The following AXDND1 variants were observed in gnomAD, a reference collection of about 807,000 sequenced individuals.
AXDND1 encodes axonemal dynein light chain domain-containing protein 1.
Under a neutral mutation model 137.5 loss-of-function variants are expected in AXDND1, and 110 were observed. The ratio of observed to expected loss-of-function variants is 0.80; its 90% CI spans 0.69 to 0.94. The LOEUF (loss-of-function observed/expected upper bound fraction) is 0.94, where lower values mean the gene tolerates loss of function less well. Among genes scored for constraint, AXDND1 ranks in the 40% least tolerant of loss-of-function variants. The pLI is 0.00. For synonymous variants in AXDND1, 414 were observed against 399.7 expected (o/e 1.04, Z -0.43); for missense variants, 1,191 against 1,169.8 (o/e 1.02, Z -0.26).
chr1:179,370,855 G>A (rs1046553912), intron 4 of AXDND1, among the ~76,000 whole-genome samples: 5 of 152,060 alleles, frequency 3.3e-5, no homozygotes, highest in African/African-American at 7.2e-5. Flanking sequence ...TGCCTCCCAG[G>A]GATATTGTAA....
intron 25 of AXDND1, chr1:179,551,165 C>A: frequency 6.2e-7 from 1 of 1,613,808 alleles, no homozygotes; most frequent in Non-Finnish European, 8.5e-7. Context: ...CATTATGCCC[C>A]ATCCTTCCTA....
intron 12 of AXDND1, among the ~76,000 whole-genome samples, chr1:179,411,584 CT>C (rs748623614): frequency 3.4e-4 from 51 of 152,052 alleles, no homozygotes; most frequent in Middle Eastern, 3.4e-3. Context: ...TATAATGTAA[CT>C]TTTGTGGGCT....
chr1:179,464,003 A>G (rs1662757925), intron 16 of AXDND1, among the ~76,000 whole-genome samples: 1 of 151,994 alleles, frequency 6.6e-6, no homozygotes, highest in Non-Finnish European at 1.5e-5. Context: ...TTTTGAGCCT[A>G]TGTGTGTCTC....
intron 16 of AXDND1, among the ~76,000 whole-genome samples, chr1:179,462,475 G>C (rs556189644): frequency 6.9e-6 from 1 of 145,916 alleles, no homozygotes; most frequent in Non-Finnish European, 1.5e-5. Flanking sequence ...TTTTTGCATC[G>C]ATGTTATCAG....
intron 17 of AXDND1, among the ~76,000 whole-genome samples, chr1:179,470,710 A>G (rs1181563758): frequency 2.0e-5 from 3 of 152,156 alleles, no homozygotes; most frequent in Non-Finnish European, 2.9e-5. Context: ...TATACAAAAG[A>G]TCATACCTAT....
chr1:179,549,084 A>G (rs1194828672), intron 25 of AXDND1, among the ~76,000 whole-genome samples: 4 of 152,118 alleles, frequency 2.6e-5, no homozygotes, highest in Non-Finnish European at 5.9e-5. Context: ...ATCCCTGTTT[A>G]TCAGCTTATT....
rs961393583 is a variant in AXDND1, at chr1:179,534,957, A to G, written c.3026A>G (p.Lys1009Arg). 1 of 1,604,774 alleles carries G rather than the reference A, an allele frequency of 6.2e-7. No individual in the cohort carries two copies. The highest frequency in any genetic ancestry group is 8.5e-7 in the Non-Finnish European group (1 of 1,177,552). ...GCAGAAAATTCCTCAAAATCTCCAA[A>G]GAAAGGTAAGGATTGCTTCGTATTT... The part of the protein sequence containing the change: ...RSAENSSKSP[K>R]KGH Residue 1009 changes from lysine (K) to arginine (R), a missense_variant, in exon 25 of 26, where the codon AAG becomes AGG. Coordinates refer to ENST00000367618, the MANE Select transcript of AXDND1 (RefSeq NM_144696.6).
intron 12 of AXDND1, among the ~76,000 whole-genome samples, chr1:179,413,459 C>A (rs1489127754): frequency 1.3e-5 from 2 of 152,044 alleles, no homozygotes; most frequent in Non-Finnish European, 2.9e-5. Flanking sequence ...CCATGTATAC[C>A]CATTGTTTAG....
In AXDND1 at chr1:179,366,582, T is replaced by A. The variant is rs1558074255; in HGVS notation, c.73T>A (p.Ser25Thr). 1.2e-6 allele frequency: 2 copies of A among 1,613,508 alleles called. No individual in the cohort carries two copies. The highest frequency in any genetic ancestry group is 8.5e-7 in the Non-Finnish European group (1 of 1,179,480). The change falls in exon 2 of 26, where the codon TCT (serine) becomes ACT (threonine). Residue 25 changes from serine (S) to threonine (T), a missense_variant. Physicochemically the swap from Ser to Thr is moderately conservative, Grantham distance 58. Coordinates refer to ENST00000367618, the MANE Select transcript of AXDND1 (RefSeq NM_144696.6). ...ATCTGAGAGCAAAAAGTTAAAAGTG[T>A]CTGTAGCCAAGGAAGGGACAAGAGG... Reference protein sequence around the residue: ...STSESKKLKVSVAKEGTRGLP... With the variant: ...STSESKKLKVTVAKEGTRGLP...
At chr1:179,476,677 CA>C (rs1381752644) in intron 17 of AXDND1, among the ~76,000 whole-genome samples, 1 of 151,982 alleles carries the variant, frequency 6.6e-6, no homozygotes, top group Non-Finnish European at 1.5e-5. Flanking sequence ...TATGTTATCC[CA>C]CTGCTTTTTG....
intron 15 of AXDND1, among the ~76,000 whole-genome samples, chr1:179,437,185 CAA>C (rs1658294202): frequency 6.6e-6 from 1 of 151,370 alleles, no homozygotes; most frequent in African/African-American, 2.4e-5. Context: ...GAATAAAAGA[CAA>C]AAGAGTATAT....
chr1:179,503,939 G>A (rs1265304717), intron 20 of AXDND1, among the ~76,000 whole-genome samples: 2 of 152,086 alleles, frequency 1.3e-5, no homozygotes, highest in Non-Finnish European at 2.9e-5. Context: ...ATTTCACATA[G>A]CTACTAATGT....
At chr1:179,512,710 C>T (rs1288716489) in intron 21 of AXDND1, among the ~76,000 whole-genome samples, 1 of 151,998 alleles carries the variant, frequency 6.6e-6, no homozygotes, top group Non-Finnish European at 1.5e-5. Context: ...GGGTGTGTTT[C>T]CATTTGTTTA....
At chr1:179,367,887 C>T (rs890412583) in intron 2 of AXDND1, among the ~76,000 whole-genome samples, 1 of 152,134 alleles carries the variant, frequency 6.6e-6, no homozygotes. Context: ...GTACTAGAGT[C>T]AGCTAGTGTT....
rs530724746 is a variant in AXDND1, at chr1:179,550,489, T to A, written c.3032-4023T>A. The stretch of plus-strand genomic sequence containing the variant: ...TTAAGCCACATGTGTCAGATGTTTT[T>A]GTCCTTTTATTTATTTCTTTATTTA... On this transcript the variant is annotated intron_variant, in intron 25 of 25. Coordinates refer to ENST00000367618, the MANE Select transcript of AXDND1 (RefSeq NM_144696.6). The A allele has an allele frequency of 1.5e-3, 214 of 146,838 alleles. 1 individual carries two copies. Among genetic ancestry groups the A allele is most frequent in the Non-Finnish European group, 2.8e-3 (183 of 64,786 alleles). 9.1% of individuals were successfully genotyped at this position (146,838 alleles called of 1,614,324 possible). A position where few individuals can be genotyped will look rare whatever the true frequency, so the allele number is the denominator to read the frequency against.
intron 20 of AXDND1, among the ~76,000 whole-genome samples, chr1:179,506,588 C>T (rs1348281410): frequency 7.2e-5 from 11 of 152,024 alleles, no homozygotes; most frequent in Admixed American, 3.3e-4. Flanking sequence ...AAAAATTAGC[C>T]GGGCATGGTG....
chr1:179,424,249 A>G (rs1656230523), intron 12 of AXDND1, among the ~76,000 whole-genome samples: 1 of 151,736 alleles, frequency 6.6e-6, no homozygotes, highest in Non-Finnish European at 1.5e-5. Flanking sequence ...GAGCTCCTTA[A>G]CATGTTATTT....
At chr1:179,514,770 G>A (rs1669369565) in intron 21 of AXDND1, among the ~76,000 whole-genome samples, 1 of 152,068 alleles carries the variant, frequency 6.6e-6, no homozygotes, top group Admixed American at 6.6e-5. Context: ...TATATGTTTA[G>A]GATTGTGATA....
chr1:179,500,032 C>T (rs1667835908), intron 20 of AXDND1, among the ~76,000 whole-genome samples: 1 of 152,018 alleles, frequency 6.6e-6, no homozygotes. Context: ...CAGACTCTTT[C>T]AGGGTCTAAA....
Sources: allele counts gnomAD v4.1 joint callset (sites outside exome capture counted in the v4.1 genomes callset), GRCh38; gene constraint gnomAD v4.1.1; transcripts MANE v1.5; gene names NCBI Gene and HGNC (gene_info 2026-07-23, HGNC 2026-07-21).